The following NIN variants were observed in gnomAD, a reference collection of about 807,000 sequenced individuals.
NIN encodes the protein glycogen synthase kinase 3 beta-interacting protein.
NIN carries 137 observed loss-of-function variants against 257.6 expected under a neutral mutation model. The ratio of observed to expected loss-of-function variants is 0.53; its 90% CI spans 0.46 to 0.61. The LOEUF is 0.61. NIN is among the 20% of genes least tolerant of loss of function. The probability of loss-of-function intolerance (pLI) is 0.00; values close to 1 mark genes in which losing one functional copy is unlikely to be tolerated. For synonymous variants in NIN, 918 were observed against 919.8 expected (o/e 1.00, Z 0.04); for missense variants, 2,439 against 2,501.2 (o/e 0.98, Z 0.53).
chr14:50,793,748 A>T (rs148530185), intron 4 of NIN, among the ~76,000 whole-genome samples: 1 of 152,012 alleles, frequency 6.6e-6, no homozygotes, highest in African/African-American at 2.4e-5. Context: ...CACCACCTCC[A>T]CCGCCACAAC....
At chr14:50,827,893 G>A (rs2045535959) in intron 2 of NIN, among the ~76,000 whole-genome samples, 1 of 151,334 alleles carries the variant, frequency 6.6e-6, no homozygotes. Flanking sequence ...CCTGAAGGAT[G>A]TAATAAACCC....
chr14:50,793,220 T>TGGGGAGACATCATATTAAC (rs1376951415), intron 4 of NIN, among the ~76,000 whole-genome samples: 5 of 151,992 alleles, frequency 3.3e-5, no homozygotes, highest in Non-Finnish European at 7.4e-5. Flanking sequence ...TCCAGCAGGA[T>TGGGGAGACATCATATTAAC]GGGGAGACAT....
At position 50,738,140 on chromosome 14, in the gene NIN, C is replaced by T; in HGVS notation, c.5775G>A (p.Lys1925=). The change falls in exon 27 of 31, where the codon AAG becomes AAA. Residue 1925 remains lysine (K), a splice_region_variant and synonymous_variant. Transcript: ENST00000530997. The part of the protein sequence containing the change: ...FQKEQSPANR[K]VSQMNSLEQE... Reference sequence around the variant, plus strand: ...ACGCCATATATTCTCAAAAACTCACCTTCCTGTTAGCAGGAGATTGTTCTT... The same window carrying T: ...ACGCCATATATTCTCAAAAACTCACTTTCCTGTTAGCAGGAGATTGTTCTT... 1 of 1,613,844 alleles carries T rather than the reference C, an allele frequency of 6.2e-7. No homozygotes were observed. The highest frequency in any genetic ancestry group is 8.5e-7 in the Non-Finnish European group (1 of 1,179,896).
rs541589186 is a variant in NIN at position 50,754,978 on chromosome 14, A to G, written c.4539-111T>C. ...GAGTATTCAATGCCAGTTAAAAAGA[A>G]AAGTCTAAATTAGTAGTCTCTTAGT... On this transcript the variant is annotated intron_variant, in intron 18 of 30. Transcript: ENST00000530997. The G allele has an allele frequency of 7.9e-5, 54 of 684,134 alleles. No individual in the cohort carries two copies. In the South Asian group the frequency reaches 8.7e-4, roughly 11 times the overall value. The allele number at this position is 684,134 out of a possible 1,614,324, so 42.4% of individuals were successfully genotyped here.
intron 28 of NIN, chr14:50,730,987 G>A: frequency 7.5e-7 from 1 of 1,325,248 alleles, no homozygotes; most frequent in Non-Finnish European, 1.0e-6. Flanking sequence ...CTGAGTTCTA[G>A]GTACAGGTTA....
intron 5 of NIN, among the ~76,000 whole-genome samples, chr14:50,791,627 CCAACACTTGGGCT>C (rs374354288): frequency 5.7e-4 from 87 of 152,040 alleles, no homozygotes; most frequent in African/African-American, 2.0e-3. Context: ...GTATTTATTG[CCAACACTTGGGCT>C]CAACACTTGG....
chr14:50,745,967 C>G (rs576235152), intron 22 of NIN, among the ~76,000 whole-genome samples: 2 of 149,704 alleles, frequency 1.3e-5, no homozygotes, highest in South Asian at 4.2e-4. Context: ...TCTGATAAAA[C>G]AACTTTCTAC....
chr14:50,766,240 G>A, intron 14 of NIN, 67 bp downstream of exon 14: 1 of 1,188,866 alleles, frequency 8.4e-7, no homozygotes, highest in East Asian at 2.3e-5. Flanking sequence ...ACAGAGCTAG[G>A]GAACGGGGAA....
intron 5 of NIN, 145 bp downstream of exon 5, chr14:50,792,567 G>A (rs1192107940): frequency 2.5e-6 from 2 of 795,652 alleles, no homozygotes; most frequent in Non-Finnish European, 4.0e-6. Flanking sequence ...TGTCCAAAAG[G>A]CAAGTAATAA....
At chr14:50,794,363 G>T in intron 4 of NIN, 1 of 268,976 alleles carries the variant, frequency 3.7e-6, no homozygotes, top group Non-Finnish European at 5.7e-6. Context: ...TTATTAGGTC[G>T]AGTGATTCTC....
At chr14:50,754,907 C>A (rs1595778221) in intron 18 of NIN, 40 bp from the exon 19 acceptor site, 1 of 1,394,698 alleles carries the variant, frequency 7.2e-7, no homozygotes, top group South Asian at 1.4e-5. Context: ...ACAAGGCAGT[C>A]ATCTGGCATC....
chr14:50,801,380 C>T (rs978342625), intron 4 of NIN, among the ~76,000 whole-genome samples: 3 of 152,290 alleles, frequency 2.0e-5, no homozygotes, highest in African/African-American at 7.2e-5. Context: ...CGTGAGCCAC[C>T]GTGCCCAGCC....
chr14:50,811,160 G>A (rs1016392551), intron 3 of NIN, among the ~76,000 whole-genome samples: 5 of 150,442 alleles, frequency 3.3e-5, no homozygotes, highest in African/African-American at 9.8e-5. Context: ...CCAGGCTGGA[G>A]TGCAGTGGCG....
chr14:50,803,939 G>A (rs1026389173), intron 4 of NIN, among the ~76,000 whole-genome samples: 15 of 144,800 alleles, frequency 1.0e-4, no homozygotes, highest in Non-Finnish European at 1.9e-4. Flanking sequence ...CTCTGTCACC[G>A]AGGATGAAGT....
In NIN at chr14:50,757,650, A is replaced by G. The variant is rs762081143; in HGVS notation, c.3380T>C (p.Leu1127Ser). The change falls in exon 18 of 31, where the codon TTA becomes TCA. Residue 1127 changes from leucine to serine, a missense_variant. Transcript: ENST00000530997. ...TACTTGCTTCGTTCGGTTTTGCTGTAAAAACTGCTCTGTTTGTTCCGCAGT... is the reference window on the plus strand; with the variant it reads ...TACTTGCTTCGTTCGGTTTTGCTGTGAAAACTGCTCTGTTTGTTCCGCAGT... ...GNTAEQTEQFLQQNRTKQVEG... is the reference protein window; with the variant it reads ...GNTAEQTEQFSQQNRTKQVEG... The G allele has an allele frequency of 6.2e-7, 1 of 1,614,178 alleles. No individual in the cohort carries two copies. The highest frequency in any genetic ancestry group is 8.5e-7 in the Non-Finnish European group (1 of 1,180,042).
chr14:50,802,702 G>A (rs2044151434), intron 4 of NIN, among the ~76,000 whole-genome samples: 1 of 150,108 alleles, frequency 6.7e-6, no homozygotes, highest in Non-Finnish European at 1.5e-5. Context: ...GGAGCTGAAG[G>A]ATTTTATGTA....
chr14:50,736,323 G>A (rs952532330), intron 27 of NIN, among the ~76,000 whole-genome samples: 2 of 151,052 alleles, frequency 1.3e-5, no homozygotes, highest in African/African-American at 4.9e-5. Flanking sequence ...TTTTTTTTTA[G>A]AGATGGGATT....
intron 5 of NIN, among the ~76,000 whole-genome samples, chr14:50,791,616 C>T (rs2043594079): frequency 6.6e-6 from 1 of 151,934 alleles, no homozygotes; most frequent in Non-Finnish European, 1.5e-5. Flanking sequence ...TATAAATTTC[C>T]GTATTTATTG....
At position 50,757,094 on chromosome 14, in the gene NIN, A is replaced by G. The variant is rs766903270; in HGVS notation, c.3936T>C (p.Asp1312=). Residue 1312 remains aspartate, a synonymous_variant, in exon 18 of 31, where the codon GAT becomes GAC. Coordinates refer to ENST00000530997, the MANE Select transcript of NIN (RefSeq NM_020921.4). The stretch of plus-strand genomic sequence containing the variant: ...GCCCCTCATTTTCTATTTTGACCTC[A>G]TCGTAACTCTTTTCCAGGCTGAGGA... The part of the protein sequence containing the change: ...ETFLSLEKSY[D]EVKIENEGLN... 33 of 1,613,098 alleles carry G rather than the reference A, an allele frequency of 2.0e-5. No homozygotes were observed. In the Admixed American group the frequency reaches 2.2e-4, roughly 11 times the overall value.
Sources: gnomAD v4.1 joint callset for allele counts (sites outside exome capture counted in the v4.1 genomes callset) on GRCh38, gnomAD v4.1.1 for gene constraint, MANE v1.5 for transcripts, NCBI Gene and HGNC (gene_info 2026-07-23, HGNC 2026-07-21) for gene names.